Variants in RALGAPB observed in about 807,000 individuals in gnomAD.
RALGAPB encodes Ral GTPase activating protein non-catalytic subunit beta.
Under a neutral mutation model 161.1 loss-of-function variants are expected in RALGAPB, and 25 were observed. That is an observed-to-expected ratio of 0.16 (90% CI 0.11 to 0.22). The LOEUF is 0.22. Ranked by LOEUF, RALGAPB falls within the 10% of genes least tolerant of loss-of-function variation. The pLI is 1.00. For missense variants in RALGAPB, 1,391 were observed against 1,815.2 expected (o/e 0.77, Z 4.25); for synonymous variants, 629 against 626.1 (o/e 1.00, Z -0.07).
intron 4 of RALGAPB, 64 bp downstream of exon 4, chr20:38,497,580 A>C: frequency 4.7e-6 from 7 of 1,500,096 alleles, no homozygotes; most frequent in South Asian, 2.6e-5. Context: ...CTTTAAACTC[A>C]GTGAGCGGTA....
intron 21 of RALGAPB, among the ~76,000 whole-genome samples, chr20:38,552,107 A>T (rs1460922745): frequency 6.6e-6 from 1 of 151,570 alleles, no homozygotes. Flanking sequence ...TTATAGCTTA[A>T]GGAAATGGCC....
intron 28 of RALGAPB, 124 bp downstream of exon 28, chr20:38,570,971 CAAAG>C (rs921655699): frequency 1.3e-4 from 85 of 644,462 alleles, no homozygotes; most frequent in Middle Eastern, 5.9e-4. Flanking sequence ...CAAAAAAGAT[CAAAG>C]AAAGAAGTTT....
intron 14 of RALGAPB, among the ~76,000 whole-genome samples, chr20:38,531,579 CT>C (rs967479456): frequency 8.3e-4 from 126 of 152,274 alleles, no homozygotes; most frequent in African/African-American, 2.9e-3. Context: ...ACTAGTTTAA[CT>C]TTTTCTTACC....
intron 6 of RALGAPB, among the ~76,000 whole-genome samples, chr20:38,511,100 T>G: frequency 6.6e-6 from 1 of 152,062 alleles, no homozygotes; most frequent in East Asian, 1.9e-4. Context: ...AAGGAAAATT[T>G]TGTGGGAGGG....
chr20:38,549,547 A>AT (rs1339712516), intron 20 of RALGAPB, among the ~76,000 whole-genome samples: 1,923 of 128,092 alleles, frequency 0.015, 21 homozygotes, highest in Admixed American at 0.032. Flanking sequence ...AAAAAAAAAA[A>AT]AAATATATAT....
chr20:38,540,037 A>G, intron 17 of RALGAPB, 79 bp downstream of exon 17: 2 of 1,288,566 alleles, frequency 1.6e-6, no homozygotes, highest in Non-Finnish European at 1.1e-6. Context: ...GAGAATATCT[A>G]AATTTAAATA....
At position 38,531,246 on chromosome 20, in the gene RALGAPB, T is replaced by A; in HGVS notation, c.2115+15T>A. On this transcript the variant is annotated intron_variant, in intron 14 of 29. Coordinates refer to ENST00000262879, the MANE Select transcript of RALGAPB (RefSeq NM_020336.4). ...AGATGGAGATGGTAAGAAGCATACA[T>A]GCAATCTGTCAGAGAATATCACTTT... 1.9e-6 allele frequency: 3 copies of A among 1,570,542 alleles called. No homozygotes were observed. Among genetic ancestry groups the A allele is most frequent in the Non-Finnish European group, 2.6e-6 (3 of 1,141,594 alleles).
chr20:38,494,334 TA>T (rs1403628211), intron 3 of RALGAPB, among the ~76,000 whole-genome samples: 1 of 152,146 alleles, frequency 6.6e-6, no homozygotes, highest in African/African-American at 2.4e-5. Context: ...CACATGGAAT[TA>T]AAAACAGGAA....
chr20:38,569,754 TCCTAAAGTGA>T, intron 26 of RALGAPB, 124 bp from the exon 27 acceptor site: 1 of 645,458 alleles, frequency 1.5e-6, no homozygotes, highest in Admixed American at 2.6e-5. Context: ...ATACACTTTT[TCCTAAAGTGA>T]TTTTCCATGA....
chr20:38,516,109 C>T, intron 6 of RALGAPB, 83 bp from the exon 7 acceptor site: 3 of 1,095,350 alleles, frequency 2.7e-6, no homozygotes, highest in Non-Finnish European at 3.9e-6. Context: ...TAGGCACAGT[C>T]CTATTCTTAA....
chr20:38,542,798 C>T lies in RALGAPB; in HGVS notation c.2714+1606C>T, dbSNP rs138030511. Among the ~76,000 whole-genome samples, 402 of 151,932 alleles carry T rather than the reference C, an allele frequency of 2.6e-3. 1 individual carries two copies. The highest frequency in any genetic ancestry group is 9.3e-3 in the African/African-American group (383 of 41,402). On this transcript the variant is annotated intron_variant, in intron 18 of 29. Coordinates refer to ENST00000262879, the MANE Select transcript of RALGAPB (RefSeq NM_020336.4). The stretch of plus-strand genomic sequence containing the variant: ...GCTGAGGCAGGAGAATCGCTTGAAC[C>T]CAGGACACGGAGGTTGCAGTGAGCC...
At chr20:38,567,882 A>C (rs775602354) in intron 26 of RALGAPB, among the ~76,000 whole-genome samples, 2 of 152,222 alleles carry the variant, frequency 1.3e-5, no homozygotes, top group Non-Finnish European at 2.9e-5. Flanking sequence ...ATGTAAGTGT[A>C]TGCTTAAAAG....
rs1055433475 is a variant in RALGAPB at position 38,527,423 on chromosome 20, G to A, written c.2050+1381G>A. 5.3e-5 allele frequency among the ~76,000 whole-genome samples: 8 copies of A among 152,106 alleles called. No individual in the cohort carries two copies. In the East Asian group the frequency reaches 1.5e-3, roughly 29 times the overall value. The stretch of plus-strand genomic sequence containing the variant: ...TAGGTGACTGGAGTTGTCTGTAGCT[G>A]GGCAAAAAGTTTTTTAGGGTTTCGT... On this transcript the variant is annotated intron_variant, in intron 13 of 29. Coordinates refer to ENST00000262879, the MANE Select transcript of RALGAPB (RefSeq NM_020336.4).
rs1238493431 is a variant in RALGAPB at position 38,490,040 on chromosome 20, C to T, written c.186+1422C>T. Among the ~76,000 whole-genome samples, 37 of 149,306 alleles carry T rather than the reference C, an allele frequency of 2.5e-4. No homozygotes were observed. The South Asian group carries it at 4.0e-3, about 16-fold the overall frequency. On this transcript the variant is annotated intron_variant, in intron 2 of 29. Transcript: ENST00000262879. The stretch of plus-strand genomic sequence containing the variant: ...TTTTTTTTTTTTTGAGACGGAGTCT[C>T]GCTCTGTCGCCCAGGCTGGAGTGCA...
intron 19 of RALGAPB, chr20:38,546,839 C>G (rs2087182567): frequency 6.1e-6 from 1 of 165,178 alleles, no homozygotes; most frequent in Admixed American, 5.7e-5. Flanking sequence ...TTTACCTGCC[C>G]CTTCCTGTTA....
At chr20:38,572,568 G>A (rs981728708) in intron 28 of RALGAPB, among the ~76,000 whole-genome samples, 1 of 152,248 alleles carries the variant, frequency 6.6e-6, no homozygotes, top group Middle Eastern at 3.4e-3. Context: ...GATTCAAATT[G>A]CATATAAGAT....
intron 18 of RALGAPB, among the ~76,000 whole-genome samples, chr20:38,542,865 G>GA (rs139383773): frequency 0.04 from 5,858 of 148,104 alleles, 196 homozygotes; most frequent in African/African-American, 0.092. Flanking sequence ...TTCCATCTCA[G>GA]AAAAAAAAAA....
intron 1 of RALGAPB, among the ~76,000 whole-genome samples, chr20:38,483,436 G>A (rs1780493124): frequency 6.6e-6 from 1 of 152,090 alleles, no homozygotes; most frequent in South Asian, 2.1e-4. Flanking sequence ...ATTATTGATG[G>A]AAGTTAAATT....
intron 18 of RALGAPB, among the ~76,000 whole-genome samples, chr20:38,542,441 A>G (rs2087001189): frequency 6.6e-6 from 1 of 152,178 alleles, no homozygotes; most frequent in Non-Finnish European, 1.5e-5. Flanking sequence ...CACTATGCAA[A>G]TGCTGGACTT....
Sources: allele counts gnomAD v4.1 joint callset (sites outside exome capture counted in the v4.1 genomes callset), GRCh38; gene constraint gnomAD v4.1.1; transcripts MANE v1.5; gene names NCBI Gene and HGNC (gene_info 2026-07-23, HGNC 2026-07-21).